Variants in CRADD observed in about 807,000 individuals in gnomAD.
CRADD encodes the protein death domain-containing protein CRADD.
CRADD carries 9 observed loss-of-function variants against 15.5 expected under a neutral mutation model. That is an observed-to-expected ratio of 0.58 (90% CI 0.35 to 1.01). CRADD has a LOEUF of 1.01. Among genes scored for constraint, CRADD ranks in the 50% least tolerant of loss-of-function variants. The pLI is 0.02. For missense variants in CRADD, 227 were observed against 250.3 expected (o/e 0.91, Z 0.63); for synonymous variants, 118 against 107.6 (o/e 1.10, Z -0.60).
intron 2 of CRADD, among the ~76,000 whole-genome samples, chr12:93,835,727 GAGATTGT>G (rs1957965587): frequency 6.6e-6 from 1 of 152,136 alleles, no homozygotes. Context: ...TTATTCCTTG[GAGATTGT>G]AGATTTTTGG....
At chr12:93,878,887 G>A (rs188395381) in intron 2 of CRADD, among the ~76,000 whole-genome samples, 1 of 152,244 alleles carries the variant, frequency 6.6e-6, no homozygotes, top group Admixed American at 6.5e-5. Context: ...CTGATTTTTG[G>A]TTCTGATGAA....
chr12:93,868,222 A>G (rs1034386262), intron 2 of CRADD, among the ~76,000 whole-genome samples: 1 of 152,232 alleles, frequency 6.6e-6, no homozygotes, highest in Non-Finnish European at 1.5e-5. Flanking sequence ...TGCTTGTAAT[A>G]ACGAAAACTG....
intron 2 of CRADD, among the ~76,000 whole-genome samples, chr12:93,878,048 G>A (rs1958469903): frequency 1.3e-5 from 2 of 152,128 alleles, no homozygotes; most frequent in South Asian, 2.1e-4. Flanking sequence ...AGGGCCCAAG[G>A]GCTCTTCAGT....
At chr12:93,773,813 G>GT (rs3030268) in intron 2 of CRADD, among the ~76,000 whole-genome samples, 3,612 of 87,442 alleles carry the variant, frequency 0.041, 216 homozygotes, top group African/African-American at 0.094. Context: ...TACTTTGTGA[G>GT]TTTTTTTTTT....
chr12:93,867,876 A>G (rs1958383939), intron 2 of CRADD, among the ~76,000 whole-genome samples: 1 of 152,218 alleles, frequency 6.6e-6, no homozygotes. Flanking sequence ...AGACTGAGCC[A>G]CAATGTTAGG....
chr12:93,700,178 A>G (rs1421690367), intron 2 of CRADD, among the ~76,000 whole-genome samples: 1 of 152,212 alleles, frequency 6.6e-6, no homozygotes, highest in Non-Finnish European at 1.5e-5. Context: ...CACTAAATCT[A>G]GGTCCTGCTC....
intron 2 of CRADD, among the ~76,000 whole-genome samples, chr12:93,717,620 A>G (rs1956185027): frequency 6.6e-6 from 1 of 152,114 alleles, no homozygotes; most frequent in Non-Finnish European, 1.5e-5. Context: ...CCTGGGGTTT[A>G]AGCAATTCTC....
intron 2 of CRADD, among the ~76,000 whole-genome samples, chr12:93,886,861 A>C (rs1310960375): frequency 6.6e-6 from 1 of 152,172 alleles, no homozygotes; most frequent in African/African-American, 2.4e-5. Flanking sequence ...GGACCATTTT[A>C]TGGTCATGGG....
intron 2 of CRADD, among the ~76,000 whole-genome samples, chr12:93,763,326 G>A (rs188320714): frequency 1.3e-5 from 2 of 152,046 alleles, no homozygotes; most frequent in African/African-American, 4.8e-5. Context: ...ATGAACTTGG[G>A]GTGACCCAAG....
chr12:93,717,246 A>G (rs1330301861), intron 2 of CRADD, among the ~76,000 whole-genome samples: 3 of 152,126 alleles, frequency 2.0e-5, no homozygotes, highest in Non-Finnish European at 4.4e-5. Flanking sequence ...TTGAATTTTA[A>G]GAGTTCTTTG....
intron 2 of CRADD, among the ~76,000 whole-genome samples, chr12:93,822,730 A>G (rs941728679): frequency 2.1e-4 from 32 of 152,158 alleles, no homozygotes; most frequent in Admixed American, 5.9e-4. Context: ...ATGATACTTG[A>G]TGGTACTTCC....
chr12:93,773,818 T>TG (rs1218976023), intron 2 of CRADD, among the ~76,000 whole-genome samples: 1 of 142,244 alleles, frequency 7.0e-6, no homozygotes, highest in African/African-American at 2.6e-5. Context: ...TGTGAGTTTT[T>TG]TTTTTTTTTT....
At chr12:93,770,878 G>A (rs1001222305) in intron 2 of CRADD, among the ~76,000 whole-genome samples, 1 of 152,166 alleles carries the variant, frequency 6.6e-6, no homozygotes, top group African/African-American at 2.4e-5. Context: ...TAATGAGATT[G>A]TTTTAAATCT....
At chr12:93,865,267 T>A (rs1493854) in intron 2 of CRADD, among the ~76,000 whole-genome samples, 66,232 of 152,032 alleles carry the variant, frequency 0.44, 15,206 homozygotes, top group Middle Eastern at 0.53. Context: ...AGTTACAGGC[T>A]GCACAGGAAC....
chr12:93,854,970 G>A (rs999501108), downstream of CRADD, among the ~76,000 whole-genome samples: 1 of 152,218 alleles, frequency 6.6e-6, no homozygotes, highest in East Asian at 1.9e-4. Flanking sequence ...GAGGCGGGCG[G>A]ATCACTTGAG....
chr12:93,734,177 A>ATCCATCCATCCATCCG (rs1214492716), intron 2 of CRADD, among the ~76,000 whole-genome samples: 69 of 151,756 alleles, frequency 4.5e-4, no homozygotes, highest in Non-Finnish European at 8.4e-4. Flanking sequence ...CCATCCGTCC[A>ATCCATCCATCCATCCG]TCCATCCATC....
downstream of CRADD, among the ~76,000 whole-genome samples, chr12:93,854,150 G>C (rs1037092608): frequency 1.1e-4 from 17 of 152,116 alleles, no homozygotes; most frequent in African/African-American, 3.9e-4. Flanking sequence ...CTGTGAGCTG[G>C]CTGGGCTTGC....
At chr12:93,845,355 A>G (rs529584967) in intron 2 of CRADD, among the ~76,000 whole-genome samples, 4 of 152,318 alleles carry the variant, frequency 2.6e-5, no homozygotes, top group Non-Finnish European at 5.9e-5. Context: ...TGTTCACGTT[A>G]TAAGTATGAA....
intron 1 of CRADD, among the ~76,000 whole-genome samples, chr12:93,678,511 A>G (rs1038332223): frequency 2.0e-5 from 3 of 152,092 alleles, no homozygotes; most frequent in Non-Finnish European, 1.5e-5. Context: ...TCTTTATTGA[A>G]CGAGGAATTG....
Sources: gnomAD v4.1 joint callset for allele counts (sites outside exome capture counted in the v4.1 genomes callset) on GRCh38, gnomAD v4.1.1 for gene constraint, MANE v1.5 for transcripts, NCBI Gene and HGNC (gene_info 2026-07-23, HGNC 2026-07-21) for gene names.